DBT: variants seen among roughly 807,000 people sequenced by gnomAD.
The protein encoded by DBT is dihydrolipoamide branched chain transacylase E2.
In DBT, 40 loss-of-function variants were observed where a neutral mutation model predicts 51.3. That is an observed-to-expected ratio of 0.78 (90% CI 0.61 to 1.02). The LOEUF is 1.02. DBT is among the 50% of genes least tolerant of loss of function. The probability of loss-of-function intolerance (pLI) is 0.00; values close to 1 mark genes in which losing one functional copy is unlikely to be tolerated. For missense variants in DBT, 510 were observed against 580.2 expected, an observed-to-expected ratio of 0.88 and a Z score of 1.24; for synonymous variants, 181 against 190.4, an observed-to-expected ratio of 0.95 and a Z score of 0.41.
chr1:100,210,726 C>T lies in DBT; in HGVS notation c.985G>A (p.Val329Met). ...LLQFPILNAS[V>M]DENCQNITYK... ...GTTATATTCTGGCAGTTTTCATCCA[C>T]AGAAGCGTTAAGGATAGGAAACTGT... The change falls in exon 8 of 11, where the codon GTG (valine) becomes ATG (methionine). Residue 329 changes from valine to methionine, a missense_variant. Val to Met is a conservative substitution (Grantham distance 21). Transcript: ENST00000370132. 2 of 1,613,436 alleles carry T rather than the reference C, an allele frequency of 1.2e-6. No homozygotes were observed. Among genetic ancestry groups the T allele is most frequent in the South Asian group, 2.2e-5 (2 of 91,070 alleles).
intron 10 of DBT, among the ~76,000 whole-genome samples, chr1:100,199,612 G>A (rs917357377): frequency 6.6e-6 from 1 of 152,212 alleles, no homozygotes; most frequent in Non-Finnish European, 1.5e-5. Flanking sequence ...AGGCAAGATG[G>A]CAGAACAGGA....
At chr1:100,216,294 A>G in intron 5 of DBT, 95 bp from the exon 6 acceptor site, 3 of 830,138 alleles carry the variant, frequency 3.6e-6, no homozygotes, top group East Asian at 5.2e-5. Flanking sequence ...AGTAAAATAT[A>G]TCTGTCCAAT....
intron 2 of DBT, among the ~76,000 whole-genome samples, chr1:100,237,214 A>C (rs1429277868): frequency 6.6e-6 from 1 of 152,168 alleles, no homozygotes; most frequent in East Asian, 1.9e-4. Context: ...CTACTGGAGG[A>C]TGAGACATCA....
Position 100,191,592 on chromosome 1 carries a change from T to C in DBT, c.*4663A>G, listed in dbSNP as rs1660803119. On this transcript the variant is annotated 3_prime_UTR_variant, in exon 11 of 11. Transcript: ENST00000370132. ...CTCCCAGATTCCCATTCTCGATCCA[T>C]GTAGTTGAATGAGGATGGCTGACTC... 1 of 152,168 alleles carries C rather than the reference T, an allele frequency of 6.6e-6. No individual in the cohort carries two copies. The highest frequency in any genetic ancestry group is 1.5e-5 in the Non-Finnish European group (1 of 68,030). The allele number at this position is 152,168 out of a possible 1,614,324, so 9.4% of individuals were successfully genotyped here.
intron 10 of DBT, among the ~76,000 whole-genome samples, chr1:100,204,101 C>T (rs1387088964): frequency 6.6e-6 from 1 of 152,096 alleles, no homozygotes; most frequent in African/African-American, 2.4e-5. Context: ...AAGTTCTGGC[C>T]AGGGCAATCA....
intron 4 of DBT, among the ~76,000 whole-genome samples, chr1:100,228,712 A>G (rs1396001204): frequency 6.6e-6 from 1 of 152,206 alleles, no homozygotes; most frequent in African/African-American, 2.4e-5. Flanking sequence ...GTGAGCTGAG[A>G]TCGCACCACT....
rs143537733 is a variant in DBT at position 100,208,238 on chromosome 1, G to T, written c.1018-1602C>A. ...TAGGCTATGTGTATGAGGGGTAAAT[G>T]AAACATAAGTGAATTTCATGTTTGC... On this transcript the variant is annotated intron_variant, in intron 8 of 10. Transcript: ENST00000370132. Among the ~76,000 whole-genome samples the T allele has an allele frequency of 8.4e-3, 1,280 of 152,270 alleles. 11 individuals are homozygous for T. Among genetic ancestry groups the T allele is most frequent in the Non-Finnish European group, 0.013 (908 of 68,012 alleles).
chr1:100,213,460 C>T, intron 7 of DBT: 2 of 1,557,536 alleles, frequency 1.3e-6, no homozygotes, highest in East Asian at 2.2e-5. Flanking sequence ...ATCCCAGGGT[C>T]TACAACATCC....
At chr1:100,205,495 G>A (rs780997437) in intron 10 of DBT, among the ~76,000 whole-genome samples, 2 of 152,208 alleles carry the variant, frequency 1.3e-5, no homozygotes, top group Non-Finnish European at 2.9e-5. Flanking sequence ...CTTTTACACT[G>A]TTGGTGGGAG....
At chr1:100,249,334 T>C (rs1034962632) in intron 1 of DBT, 3 of 250,236 alleles carry the variant, frequency 1.2e-5, no homozygotes, top group African/African-American at 6.6e-5. Flanking sequence ...CCCCTGCTGA[T>C]ATTCTATAAC....
chr1:100,193,584 GAA>G lies in DBT; in HGVS notation c.*2669_*2670del, dbSNP rs1660916467. ...GAATGTATAATAAATGCATACAATG[GAA>G]TACTATGCAGACATTTATTTATTTA... is the stretch of plus-strand genomic sequence containing the variant. On this transcript the variant is annotated 3_prime_UTR_variant, in exon 11 of 11. Transcript: ENST00000370132. The G allele has an allele frequency of 6.6e-6, 1 of 152,112 alleles. No individual in the cohort carries two copies. The highest frequency in any genetic ancestry group is 1.9e-4 in the East Asian group (1 of 5,194). 9.4% of individuals were successfully genotyped at this position (152,112 alleles called of 1,614,324 possible).
intron 4 of DBT, among the ~76,000 whole-genome samples, chr1:100,230,176 C>T (rs958662246): frequency 3.3e-5 from 5 of 152,084 alleles, no homozygotes; most frequent in African/African-American, 1.2e-4. Context: ...CCTCTTTGAA[C>T]ACTAACATCT....
chr1:100,248,368 T>A (rs1416393016), intron 1 of DBT, among the ~76,000 whole-genome samples: 1 of 152,324 alleles, frequency 6.6e-6, no homozygotes, highest in East Asian at 1.9e-4. Flanking sequence ...GATACTTAAT[T>A]TCCTATTTAT....
At chr1:100,247,013 G>A (rs1381845107) in intron 1 of DBT, among the ~76,000 whole-genome samples, 2 of 152,178 alleles carry the variant, frequency 1.3e-5, no homozygotes, top group Admixed American at 1.3e-4. Flanking sequence ...AGAAAGCACA[G>A]TGTGTGTGCA....
At position 100,230,748 on chromosome 1, in the gene DBT, T is replaced by C. The variant is rs759624832; in HGVS notation, c.418A>G (p.Thr140Ala). ...CTTACAATACCTTTTAAAGCTTCCG[T>C]TTCTATGTCTACTAATGGCTTCCCC... ...YVGKPLVDIETEALKDSEEDV... is the reference protein window; with the variant it reads ...YVGKPLVDIEAEALKDSEEDV... Residue 140 changes from threonine (T) to alanine (A), a missense_variant, in exon 4 of 11, where the codon ACG (threonine) becomes GCG (alanine). Coordinates refer to ENST00000370132, the MANE Select transcript of DBT (RefSeq NM_001918.5). 2 of 1,608,998 alleles carry C rather than the reference T, an allele frequency of 1.2e-6. No homozygotes were observed. The highest frequency in any genetic ancestry group is 1.7e-6 in the Non-Finnish European group (2 of 1,176,652).
At chr1:100,202,777 A>T (rs1369303306) in intron 10 of DBT, among the ~76,000 whole-genome samples, 1 of 152,244 alleles carries the variant, frequency 6.6e-6, no homozygotes, top group Admixed American at 6.5e-5. Context: ...TAAGAAACTC[A>T]CTCAAAACCA....
At position 100,194,836 on chromosome 1, in the gene DBT, T is replaced by C. The variant is rs1020906663; in HGVS notation, c.*1419A>G. ...CATTTTGAGAAAAACCAAGTAGATA[T>C]TAAAACAACCTTTTTTCTGTCACAA... On this transcript the variant is annotated 3_prime_UTR_variant, in exon 11 of 11. Coordinates refer to ENST00000370132, the MANE Select transcript of DBT (RefSeq NM_001918.5). 8 of 152,182 alleles carry C rather than the reference T, an allele frequency of 5.3e-5. No individual in the cohort carries two copies. The highest frequency in any genetic ancestry group is 4.8e-5 in the African/African-American group (2 of 41,448). 9.4% of individuals were successfully genotyped at this position (152,182 alleles called of 1,614,324 possible).
chr1:100,196,533 C>A, intron 10 of DBT, 111 bp from the exon 11 acceptor site: 1 of 1,335,670 alleles, frequency 7.5e-7, no homozygotes, highest in South Asian at 1.4e-5. Flanking sequence ...AACCCTTCTT[C>A]CTGTACAGTA....
intron 5 of DBT, among the ~76,000 whole-genome samples, chr1:100,217,633 T>TA (rs1303878348): frequency 1.3e-5 from 2 of 152,252 alleles, no homozygotes; most frequent in Admixed American, 1.3e-4. Flanking sequence ...ACAGCAACCT[T>TA]ACTTTTCTCA....
Sources: allele counts gnomAD v4.1 joint callset (sites outside exome capture counted in the v4.1 genomes callset), GRCh38; gene constraint gnomAD v4.1.1; transcripts MANE v1.5; gene names NCBI Gene and HGNC (gene_info 2026-07-23, HGNC 2026-07-21).